The following ECI2 variants were observed in gnomAD, a reference collection of about 807,000 sequenced individuals.
ECI2 encodes the protein D3,D2-enoyl-CoA isomerase.
A neutral mutation model predicts 38.4 loss-of-function variants in ECI2; 27 were observed. That is an observed-to-expected ratio of 0.70 (90% CI 0.52 to 0.97). The LOEUF is 0.97. Among genes scored for constraint, ECI2 ranks in the 50% least tolerant of loss-of-function variants. The probability of loss-of-function intolerance (pLI) is 0.00; values close to 1 mark genes in which losing one functional copy is unlikely to be tolerated. For synonymous variants in ECI2, 168 were observed against 172.0 expected, an observed-to-expected ratio of 0.98 and a Z score of 0.18; for missense variants, 470 against 474.4, an observed-to-expected ratio of 0.99 and a Z score of 0.09.
Position 4,126,122 on chromosome 6 carries a change from C to G in ECI2, c.674+13G>C, listed in dbSNP as rs768824432. 6.2e-7 allele frequency: 1 copy of G among 1,606,126 alleles called. No homozygotes were observed. The highest frequency in any genetic ancestry group is 1.3e-5 in the African/African-American group (1 of 74,830). On this transcript the variant is annotated intron_variant, in intron 6 of 9. Transcript: ENST00000380118. ...GGGCCCTCTGGGATCAGACAAAGGT[C>G]AGTAACTCTTACCTCAGTAAAACGG... is the stretch of plus-strand genomic sequence containing the variant.
At chr6:4,130,223 A>G (rs750361512) in intron 4 of ECI2, 149 bp downstream of exon 4, 1 of 1,613,556 alleles carries the variant, frequency 6.2e-7, no homozygotes. Flanking sequence ...ACTCTGTTGT[A>G]TGAAGTAGCC....
rs755054498 is a variant in ECI2 at position 4,133,661 on chromosome 6, G to C, written c.101C>G (p.Thr34Arg). 6.2e-7 allele frequency: 1 copy of C among 1,613,712 alleles called. No homozygotes were observed. The highest frequency in any genetic ancestry group is 1.1e-5 in the South Asian group (1 of 90,980). Residue 34 changes from threonine (T) to arginine (R), a missense_variant, in exon 2 of 10, where the codon ACA becomes AGA. Coordinates refer to ENST00000380118, the MANE Select transcript of ECI2 (RefSeq NM_206836.3). Reference protein sequence around the residue: ...FPVVQLHMNRTAMRASQKDFE... With the variant: ...FPVVQLHMNRRAMRASQKDFE... The stretch of plus-strand genomic sequence containing the variant: ...GTCCTTCTGACTGGCTCTCATTGCT[G>C]TTCTATTCATGTGCAGCTGAACTAC...
At chr6:4,131,016 C>T (rs1477394671) in intron 2 of ECI2, 151 bp from the exon 3 acceptor site, 2 of 625,500 alleles carry the variant, frequency 3.2e-6, no homozygotes, top group South Asian at 3.0e-5. Context: ...CCTCCAGTCT[C>T]TTTGATGTTG....
At position 4,117,227 on chromosome 6, in the gene ECI2, G is replaced by C. The variant is rs906038794; in HGVS notation, c.1029+81C>G. Reference sequence around the variant, plus strand: ...TAAAGATGTGTCTTGTGCTTTTTATGACTTATTCTCTGAAGGCAAATAAAT... The same window carrying C: ...TAAAGATGTGTCTTGTGCTTTTTATCACTTATTCTCTGAAGGCAAATAAAT... On this transcript the variant is annotated intron_variant, in intron 9 of 9. Coordinates refer to ENST00000380118, the MANE Select transcript of ECI2 (RefSeq NM_206836.3). 23 of 1,498,216 alleles carry C rather than the reference G, an allele frequency of 1.5e-5. No individual in the cohort carries two copies. In the African/African-American group the frequency reaches 2.7e-4, roughly 17 times the overall value. The allele number at this position is 1,498,216 out of a possible 1,614,324, so 92.8% of individuals were successfully genotyped here. A position where few individuals can be genotyped will look rare whatever the true frequency, so the allele number is the denominator to read the frequency against.
chr6:4,119,090 A>G (rs1772483760), intron 8 of ECI2, 96 bp downstream of exon 8: 1 of 1,019,098 alleles, frequency 9.8e-7, no homozygotes, highest in African/African-American at 1.7e-5. Context: ...TTTTGTCCAT[A>G]TTACCAAGGG....
intron 7 of ECI2, among the ~76,000 whole-genome samples, chr6:4,124,080 A>AT (rs1321483319): frequency 6.6e-6 from 1 of 152,212 alleles, no homozygotes; most frequent in Admixed American, 6.5e-5. Context: ...GAGATCCCCA[A>AT]TTTTAGGTCA....
intron 7 of ECI2, among the ~76,000 whole-genome samples, chr6:4,120,720 A>T (rs1047216299): frequency 2.0e-5 from 3 of 152,028 alleles, no homozygotes; most frequent in African/African-American, 7.2e-5. Flanking sequence ...GAGTGAAAAA[A>T]AAAAAAGAAA....
At chr6:4,116,059 A>T in intron 9 of ECI2, 30 bp from the exon 10 acceptor site, 1 of 1,602,254 alleles carries the variant, frequency 6.2e-7, no homozygotes, top group East Asian at 2.2e-5. Context: ...AATAAGGTTA[A>T]GAGTTGACCT....
At chr6:4,120,331 A>T (rs693953) in intron 7 of ECI2, among the ~76,000 whole-genome samples, 48,015 of 151,798 alleles carry the variant, frequency 0.32, 7,662 homozygotes, top group Admixed American at 0.36. Context: ...CTATGTGGTA[A>T]TCCCTACTGC....
intron 9 of ECI2, among the ~76,000 whole-genome samples, chr6:4,116,443 TC>T (rs1686929005): frequency 2.7e-4 from 1 of 3,648 alleles, no homozygotes; most frequent in Admixed American, 3.6e-3. Context: ...TCCTGTTAAA[TC>T]TTTTTTTTTT....
chr6:4,116,041 A>G lies in ECI2; in HGVS notation c.1030-12T>C, dbSNP rs1772242426. On this transcript the variant is annotated splice_polypyrimidine_tract_variant and intron_variant, in intron 9 of 9. Coordinates refer to ENST00000380118, the MANE Select transcript of ECI2 (RefSeq NM_206836.3). ...GAAATTCTCAAGGCCTGGAAAAACA[A>G]AACCAACAATAAGGTTAAGAGTTGA... The G allele has an allele frequency of 6.2e-7, 1 of 1,610,038 alleles. No individual in the cohort carries two copies. Among genetic ancestry groups the G allele is most frequent in the Non-Finnish European group, 8.5e-7 (1 of 1,178,120 alleles).
intron 7 of ECI2, among the ~76,000 whole-genome samples, chr6:4,124,043 A>G (rs1054731964): frequency 3.3e-5 from 5 of 152,192 alleles, no homozygotes; most frequent in Non-Finnish European, 5.9e-5. Context: ...TTCAAATACA[A>G]TATTTGCCCT....
chr6:4,130,903 T>G (rs779946632), intron 2 of ECI2, 38 bp from the exon 3 acceptor site: 5 of 1,586,484 alleles, frequency 3.2e-6, no homozygotes, highest in Admixed American at 3.4e-5. Context: ...CAAATGTCCA[T>G]GTAAACTAGA....
chr6:4,129,509 C>A (rs1158301112), intron 4 of ECI2, among the ~76,000 whole-genome samples: 2 of 152,156 alleles, frequency 1.3e-5, no homozygotes, highest in South Asian at 2.1e-4. Context: ...GTAATGATAA[C>A]AGTAGGCTCC....
In ECI2 at chr6:4,126,197, G is replaced by T; in HGVS notation, c.612C>A (p.Asn204Lys). 1 of 1,613,800 alleles carries T rather than the reference G, an allele frequency of 6.2e-7. No homozygotes were observed. Residue 204 changes from asparagine (N) to lysine (K), a missense_variant, in exon 6 of 10, where the codon AAC becomes AAA. Transcript: ENST00000380118. ...CTCCACCAGGGGGAATATCAGTGAA[G>T]TTAGTCAGATCATTCCCACTACTGT... ...DYYSSGNDLTNFTDIPPGGVE... is the reference protein window; with the variant it reads ...DYYSSGNDLTKFTDIPPGGVE...
At chr6:4,125,213 G>A (rs1470646699) in intron 7 of ECI2, 37 bp downstream of exon 7, 2 of 1,609,750 alleles carry the variant, frequency 1.2e-6, no homozygotes, top group East Asian at 2.2e-5. Flanking sequence ...ATCTCGCGCT[G>A]CTTGCCTGAC....
intron 7 of ECI2, among the ~76,000 whole-genome samples, chr6:4,122,952 T>C (rs1313367497): frequency 6.6e-6 from 1 of 152,222 alleles, no homozygotes; most frequent in African/African-American, 2.4e-5. Flanking sequence ...TCTTAACTCA[T>C]ACAGGAAATG....
In ECI2 at chr6:4,127,790, C is replaced by T; in HGVS notation, c.543G>A (p.Lys181=). Reference sequence around the variant, plus strand: ...TTAAAACAGTGATGATTGAGTCATCCTTGCTGGCAGCTTTAAGTGCACGCA... The same window carrying T: ...TTAAAACAGTGATGATTGAGTCATCTTTGCTGGCAGCTTTAAGTGCACGCA... ...EIMRALKAAS[K]DDSIITVLTG... is the part of the protein sequence containing the mutation. The change falls in exon 5 of 10, where the codon AAG becomes AAA. Residue 181 remains lysine, a synonymous_variant. Transcript: ENST00000380118. The T allele has an allele frequency of 1.9e-5, 30 of 1,613,104 alleles. No individual in the cohort carries two copies. The highest frequency in any genetic ancestry group is 2.5e-5 in the Non-Finnish European group (29 of 1,179,554).
rs766762131 is a variant in ECI2, at chr6:4,125,372, T to C, written c.675-2A>G. On this transcript the variant is annotated splice_acceptor_variant, in intron 6 of 9. Coordinates refer to ENST00000380118, the MANE Select transcript of ECI2 (RefSeq NM_206836.3). LOFTEE classifies it high-confidence loss of function. ...TCTATAAAACAGCCCACAAATTCCC[T>C]ACAGAAATGGAAACACAAAATCATT... 87 of 1,613,824 alleles carry C rather than the reference T, an allele frequency of 5.4e-5. No homozygotes were observed. Among genetic ancestry groups the C allele is most frequent in the Non-Finnish European group, 7.1e-5 (84 of 1,179,990 alleles).
Sources: gnomAD v4.1 joint callset for allele counts (sites outside exome capture counted in the v4.1 genomes callset) on GRCh38, gnomAD v4.1.1 for gene constraint, MANE v1.5 for transcripts, NCBI Gene and HGNC (gene_info 2026-07-23, HGNC 2026-07-21) for gene names.